The following AIMP1 variants were observed in gnomAD, a reference collection of about 807,000 sequenced individuals.
The protein encoded by AIMP1 is aminoacyl tRNA synthetase complex interacting multifunctional protein 1, also known as aminoacyl tRNA synthase complex-interacting multifunctional protein 1.
Under a neutral mutation model 33.1 loss-of-function variants are expected in AIMP1, and 24 were observed. The ratio of observed to expected loss-of-function variants is 0.73; its 90% CI spans 0.53 to 1.02. AIMP1 has a LOEUF of 1.02. Among genes scored for constraint, AIMP1 ranks in the 50% least tolerant of loss-of-function variants. AIMP1 has a pLI of 0.00. For missense variants in AIMP1, 367 were observed against 364.8 expected (o/e 1.01, Z -0.05); for synonymous variants, 120 against 121.5 (o/e 0.99, Z 0.08).
intron 1 of AIMP1, among the ~76,000 whole-genome samples, chr4:106,316,938 G>C (rs1030267034): frequency 6.6e-6 from 1 of 152,228 alleles, no homozygotes; most frequent in Non-Finnish European, 1.5e-5. Context: ...TGAGCGAATA[G>C]TTATTAAGCG....
At chr4:106,330,126 A>G (rs1268869001) in intron 4 of AIMP1, among the ~76,000 whole-genome samples, 1 of 152,126 alleles carries the variant, frequency 6.6e-6, no homozygotes, top group African/African-American at 2.4e-5. Context: ...TTTGTCAGTG[A>G]AGGATTTCTG....
At chr4:106,327,666 A>G (rs1769504058) in intron 3 of AIMP1, 102 bp downstream of exon 3, 1 of 786,972 alleles carries the variant, frequency 1.3e-6, no homozygotes, top group Non-Finnish European at 2.1e-6. Flanking sequence ...GGCAACTTGG[A>G]CAACTTCATA....
chr4:106,323,050 G>A (rs992700344), intron 1 of AIMP1, among the ~76,000 whole-genome samples: 2 of 150,014 alleles, frequency 1.3e-5, no homozygotes, highest in African/African-American at 4.9e-5. Flanking sequence ...AGTTGCATAT[G>A]TGTATTTAGT....
chr4:106,317,949 T>C (rs912151434), intron 1 of AIMP1, among the ~76,000 whole-genome samples: 2 of 152,192 alleles, frequency 1.3e-5, no homozygotes, highest in Admixed American at 1.3e-4. Context: ...CAAGGCATAC[T>C]CCTTTTTAAA....
At chr4:106,319,698 A>G (rs1003182858) in intron 1 of AIMP1, among the ~76,000 whole-genome samples, 2 of 152,142 alleles carry the variant, frequency 1.3e-5, no homozygotes, top group Non-Finnish European at 2.9e-5. Context: ...TGTGCATGTC[A>G]TTCTTATATC....
In AIMP1 at chr4:106,342,363, A is replaced by G. The variant is rs898680691; in HGVS notation, c.773-5163A>G. Among the ~76,000 whole-genome samples the G allele has an allele frequency of 1.6e-4, 25 of 152,224 alleles. No homozygotes were observed. The East Asian group carries it at 3.1e-3, about 19-fold the overall frequency. ...AAAGTGGGCATCCCTGTTTTGTTCCAGTTTTCAAGGGAAATGGTTCCAGCT... is the reference window on the plus strand; with the variant it reads ...AAAGTGGGCATCCCTGTTTTGTTCCGGTTTTCAAGGGAAATGGTTCCAGCT... On this transcript the variant is annotated intron_variant, in intron 6 of 6. Coordinates refer to ENST00000672341, the MANE Select transcript of AIMP1 (RefSeq NM_001142416.2).
intron 4 of AIMP1, among the ~76,000 whole-genome samples, chr4:106,329,993 G>A (rs1769612962): frequency 6.6e-6 from 1 of 151,878 alleles, no homozygotes; most frequent in Admixed American, 6.6e-5. Flanking sequence ...ATATTGGTCA[G>A]GCTGGTCTCG....
chr4:106,328,323 A>G, intron 4 of AIMP1, 80 bp downstream of exon 4: 1 of 1,463,258 alleles, frequency 6.8e-7, no homozygotes, highest in South Asian at 1.2e-5. Flanking sequence ...TAATAATAAT[A>G]GTATCAAAAG....
At chr4:106,316,256 G>A, upstream of AIMP1, 1 of 316,142 alleles carries the variant, frequency 3.2e-6, no homozygotes, top group Non-Finnish European at 5.9e-6. Flanking sequence ...CAGCCACCGC[G>A]ACCCAACGCT....
chr4:106,345,070 G>A (rs751261598), intron 6 of AIMP1, among the ~76,000 whole-genome samples: 3 of 152,128 alleles, frequency 2.0e-5, no homozygotes, highest in Non-Finnish European at 2.9e-5. Context: ...CCAGCACCTA[G>A]TAAGCACTAT....
At chr4:106,332,803 A>C (rs1255229326) in intron 5 of AIMP1, among the ~76,000 whole-genome samples, 2 of 151,976 alleles carry the variant, frequency 1.3e-5, no homozygotes, top group African/African-American at 4.8e-5. Context: ...GGAGTTAGTC[A>C]TGAAACTTCT....
At chr4:106,323,452 A>G (rs1305218653) in intron 1 of AIMP1, among the ~76,000 whole-genome samples, 1 of 152,098 alleles carries the variant, frequency 6.6e-6, no homozygotes, top group Non-Finnish European at 1.5e-5. Context: ...ACAGACCAAA[A>G]GAGCACAAAA....
chr4:106,347,874 G>T lies in AIMP1; in HGVS notation c.*182G>T. 3.6e-6 allele frequency: 2 copies of T among 549,806 alleles called. No homozygotes were observed. Among genetic ancestry groups the T allele is most frequent in the South Asian group, 2.8e-5 (1 of 35,536 alleles). The allele number at this position is 549,806 out of a possible 1,614,324, so 34.1% of individuals were successfully genotyped here. A position where few individuals can be genotyped will look rare whatever the true frequency, so the allele number is the denominator to read the frequency against. Reference sequence around the variant, plus strand: ...TGGGGAAACACTAGATTTTTACCTCGGTTTTTGATCATTTATAATGGAGAG... The same window carrying T: ...TGGGGAAACACTAGATTTTTACCTCTGTTTTTGATCATTTATAATGGAGAG... On this transcript the variant is annotated 3_prime_UTR_variant, in exon 7 of 7. Transcript: ENST00000672341.
chr4:106,331,716 G>A lies in AIMP1; in HGVS notation c.436G>A (p.Asp146Asn), dbSNP rs528926697. ...KKQQSIAGSA[D>N]SKPIDVSRLD... is the part of the protein sequence containing the mutation. ...ACAGCAATCAATAGCTGGAAGTGCCGACTCTAAGCCAATAGATGTTTCCCG... is the reference window on the plus strand; with the variant it reads ...ACAGCAATCAATAGCTGGAAGTGCCAACTCTAAGCCAATAGATGTTTCCCG... The change falls in exon 5 of 7, where the codon GAC (aspartate) becomes AAC (asparagine). Residue 146 changes from aspartate to asparagine, a missense_variant. By Grantham distance (23) the Asp-to-Asn change is conservative. Transcript: ENST00000672341. 17 of 1,614,024 alleles carry A rather than the reference G, an allele frequency of 1.1e-5. No individual in the cohort carries two copies. The highest frequency in any genetic ancestry group is 4.4e-5 in the South Asian group (4 of 91,070).
At chr4:106,331,626 G>T (rs1339234152) in intron 4 of AIMP1, 46 bp from the exon 5 acceptor site, 3 of 1,556,778 alleles carry the variant, frequency 1.9e-6, no homozygotes, top group African/African-American at 1.4e-5. Context: ...GTGTTTTTTT[G>T]CTTGGTTTTA....
At chr4:106,330,347 C>T (rs1579635839) in intron 4 of AIMP1, among the ~76,000 whole-genome samples, 1 of 152,164 alleles carries the variant, frequency 6.6e-6, no homozygotes, top group East Asian at 1.9e-4. Context: ...AGATTTTTGG[C>T]ATATTCTGGT....
At chr4:106,330,260 A>G (rs1356487536) in intron 4 of AIMP1, among the ~76,000 whole-genome samples, 1 of 152,236 alleles carries the variant, frequency 6.6e-6, no homozygotes, top group Non-Finnish European at 1.5e-5. Flanking sequence ...GTTTTAAAAT[A>G]TATACAAATG....
In AIMP1 at chr4:106,325,082, C is replaced by A. The variant is rs1198608563; in HGVS notation, c.73C>A (p.Leu25Ile). ...GAEADQIIEY[L>I]KQQVSLLKEK... ...AGAGGCAGATCAAATCATTGAATAT[C>A]TTAAGCAGCAAGTTTCTCTACTTAA... is the stretch of plus-strand genomic sequence containing the variant. Residue 25 changes from leucine to isoleucine, a missense_variant, in exon 2 of 7, where the codon CTT (leucine) becomes ATT (isoleucine). Transcript: ENST00000672341. The A allele has an allele frequency of 3.1e-6, 5 of 1,612,726 alleles. No individual in the cohort carries two copies. The highest frequency in any genetic ancestry group is 3.3e-5 in the Admixed American group (2 of 59,948).
rs1342508467 is a variant in AIMP1, at chr4:106,331,860, G to A, written c.580G>A (p.Val194Met). 6.2e-7 allele frequency: 1 copy of A among 1,614,068 alleles called. No individual in the cohort carries two copies. The highest frequency in any genetic ancestry group is 2.2e-5 in the East Asian group (1 of 44,874). ...CCCAAGGACAGTTGTCAGTGGCCTG[G>A]TGAATCATGTTCCTCTTGAACAGGT... The part of the protein sequence containing the change: ...IAPRTVVSGL[V>M]NHVPLEQMQN... Residue 194 changes from valine (V) to methionine (M), a missense_variant, in exon 5 of 7, where the codon GTG becomes ATG. Val to Met is a conservative substitution (Grantham distance 21). Coordinates refer to ENST00000672341, the MANE Select transcript of AIMP1 (RefSeq NM_001142416.2).
Sources: gnomAD v4.1 joint callset for allele counts (sites outside exome capture counted in the v4.1 genomes callset) on GRCh38, gnomAD v4.1.1 for gene constraint, MANE v1.5 for transcripts, NCBI Gene and HGNC (gene_info 2026-07-23, HGNC 2026-07-21) for gene names.